Variants in MMD2 observed in about 807,000 individuals in gnomAD.
MMD2 encodes the protein monocyte to macrophage differentiation associated 2.
A neutral mutation model predicts 33.5 loss-of-function variants in MMD2; 30 were observed. That is an observed-to-expected ratio of 0.90 (90% CI 0.67 to 1.22). The LOEUF is 1.22. MMD2 is among the 50% of genes most tolerant of loss of function. The probability of loss-of-function intolerance (pLI) is 0.00; values close to 1 mark genes in which losing one functional copy is unlikely to be tolerated. For synonymous variants in MMD2, 129 were observed against 123.0 expected, an observed-to-expected ratio of 1.05 and a Z score of -0.32; for missense variants, 364 against 325.4, an observed-to-expected ratio of 1.12 and a Z score of -0.91.
intron 1 of MMD2, among the ~76,000 whole-genome samples, chr7:4,950,717 T>TC (rs1408613847): frequency 6.6e-6 from 1 of 151,376 alleles, no homozygotes; most frequent in Admixed American, 6.6e-5. Flanking sequence ...TCCTTCTTTT[T>TC]TTTTTTTTTT....
chr7:4,925,555 A>C, intron 1 of MMD2, 23 bp from the exon 2 acceptor site: 1 of 1,547,734 alleles, frequency 6.5e-7, no homozygotes, highest in Non-Finnish European at 8.7e-7. Flanking sequence ...GGAGAATTCC[A>C]GGAAGCTCCG....
At chr7:4,938,440 G>A (rs992013114) in intron 1 of MMD2, among the ~76,000 whole-genome samples, 2 of 152,072 alleles carry the variant, frequency 1.3e-5, no homozygotes, top group Non-Finnish European at 2.9e-5. Context: ...GTGGTGAGGG[G>A]CCTGTATGTG....
At chr7:4,908,845 C>T (rs562801957) in intron 6 of MMD2, among the ~76,000 whole-genome samples, 1 of 148,658 alleles carries the variant, frequency 6.7e-6, no homozygotes, top group Admixed American at 6.8e-5. Flanking sequence ...TGCAGTAAGC[C>T]GAGATCGTGC....
At chr7:4,950,079 TTGTGTG>T (rs60203634) in intron 1 of MMD2, among the ~76,000 whole-genome samples, 127 of 149,402 alleles carry the variant, frequency 8.5e-4, no homozygotes, top group African/African-American at 1.8e-3. Flanking sequence ...TCACCTTCTT[TTGTGTG>T]TGTGTGTGTG....
At chr7:4,920,038 C>A in intron 3 of MMD2, 133 bp downstream of exon 3, 1 of 1,096,226 alleles carries the variant, frequency 9.1e-7, no homozygotes, top group Non-Finnish European at 1.3e-6. Flanking sequence ...CAAAGTCGCC[C>A]AGCCCAGCCC....
rs192287812 is a variant in MMD2 at position 4,917,498 on chromosome 7, C to T, written c.291-1419G>A. Reference sequence around the variant, plus strand: ...CTAACATGGTGAAACCCTGTTTCTACAAAAAATACAAAACATTCCCCGTCT... The same window carrying T: ...CTAACATGGTGAAACCCTGTTTCTATAAAAAATACAAAACATTCCCCGTCT... On this transcript the variant is annotated intron_variant, in intron 3 of 6. Transcript: ENST00000401401. 2.1e-3 allele frequency among the ~76,000 whole-genome samples: 317 copies of T among 151,892 alleles called. 7 individuals carry two copies. Among genetic ancestry groups the T allele is most frequent in the Middle Eastern group, 0.01 (3 of 294 alleles).
chr7:4,925,563 C>A, intron 1 of MMD2, 31 bp from the exon 2 acceptor site: 1 of 1,531,174 alleles, frequency 6.5e-7, no homozygotes, highest in Non-Finnish European at 8.8e-7. Context: ...CCAGGAAGCT[C>A]CGCTGGGCAA....
At position 4,950,775 on chromosome 7, in the gene MMD2, G is replaced by A. The variant is rs886653947; in HGVS notation, c.47+8196C>T. ...GCCCAGCAGGCTAGAGTGCAGTGGC[G>A]TGATCTCAGCTCACTGCACCCTCTG... On this transcript the variant is annotated intron_variant, in intron 1 of 6. Transcript: ENST00000401401. Among the ~76,000 whole-genome samples the A allele has an allele frequency of 8.1e-5, 12 of 149,014 alleles. No homozygotes were observed. In the East Asian group the frequency reaches 2.0e-3, roughly 25 times the overall value.
intron 4 of MMD2, among the ~76,000 whole-genome samples, chr7:4,913,515 C>T (rs1365553829): frequency 6.6e-6 from 1 of 151,870 alleles, no homozygotes; most frequent in Admixed American, 6.6e-5. Flanking sequence ...GTCAGGAGTT[C>T]AAGACCAGCC....
chr7:4,925,543 A>G lies in MMD2; in HGVS notation c.48-11T>C, dbSNP rs1350060240. On this transcript the variant is annotated splice_polypyrimidine_tract_variant and intron_variant, in intron 1 of 6. Coordinates refer to ENST00000401401, the MANE Select transcript of MMD2 (RefSeq NM_198403.4). The stretch of plus-strand genomic sequence containing the variant: ...CGGTGGTTCATGAACCTGGAAGGAG[A>G]GGGAGAATTCCAGGAAGCTCCGCTG... 2.6e-6 allele frequency: 4 copies of G among 1,556,300 alleles called. No homozygotes were observed. The Admixed American group carries it at 5.7e-5, about 22-fold the overall frequency.
intron 1 of MMD2, among the ~76,000 whole-genome samples, chr7:4,949,240 T>C (rs1424520096): frequency 6.6e-6 from 1 of 152,002 alleles, no homozygotes; most frequent in Non-Finnish European, 1.5e-5. Flanking sequence ...TTATTAACTA[T>C]TGTCACCCTG....
At chr7:4,957,610 T>C (rs1562499709) in intron 1 of MMD2, among the ~76,000 whole-genome samples, 1 of 151,340 alleles carries the variant, frequency 6.6e-6, no homozygotes. Flanking sequence ...GATCATGCCA[T>C]TGCACTCCAG....
downstream of MMD2, among the ~76,000 whole-genome samples, chr7:4,903,003 C>T (rs192018748): frequency 3.6e-3 from 550 of 152,254 alleles, 3 homozygotes; most frequent in Non-Finnish European, 6.6e-3. Context: ...TTTGTGCGGC[C>T]GAGGCGGGCA....
chr7:4,958,387 A>G (rs763073729), intron 1 of MMD2, among the ~76,000 whole-genome samples: 42 of 152,142 alleles, frequency 2.8e-4, no homozygotes, highest in Non-Finnish European at 5.3e-4. Flanking sequence ...CCATTTTACA[A>G]AAGAGACGGA....
In MMD2 at chr7:4,958,968, C is replaced by T; in HGVS notation, c.47+3G>A. On this transcript the variant is annotated splice_donor_region_variant and intron_variant, in intron 1 of 6. Coordinates refer to ENST00000401401, the MANE Select transcript of MMD2 (RefSeq NM_198403.4). ...CCCGCGGACCTCCGCGGCCGCCGCT[C>T]ACCTCGCGTATTTCGTCTTCTGGAA... 1 of 1,290,284 alleles carries T rather than the reference C, an allele frequency of 7.8e-7. No homozygotes were observed. Among genetic ancestry groups the T allele is most frequent in the South Asian group, 2.7e-5 (1 of 37,246 alleles). The allele number at this position is 1,290,284 out of a possible 1,614,324, so 79.9% of individuals were successfully genotyped here. A position where few individuals can be genotyped will look rare whatever the true frequency, so the allele number is the denominator to read the frequency against.
At chr7:4,903,756 A>T (rs1052085547), downstream of MMD2, among the ~76,000 whole-genome samples, 9 of 152,146 alleles carry the variant, frequency 5.9e-5, no homozygotes, top group African/African-American at 2.2e-4. Flanking sequence ...GGCAGTGCCC[A>T]CTGAGCGCAG....
intron 1 of MMD2, among the ~76,000 whole-genome samples, chr7:4,952,892 C>T (rs1177932297): frequency 4.0e-5 from 6 of 151,856 alleles, no homozygotes; most frequent in East Asian, 1.9e-4. Context: ...GGGTTCACCA[C>T]GCTGGCCAGG....
In MMD2 at chr7:4,925,552, T is replaced by C. The variant is rs751816722; in HGVS notation, c.48-20A>G. On this transcript the variant is annotated intron_variant, in intron 1 of 6. Transcript: ENST00000401401. Reference sequence around the variant, plus strand: ...ATGAACCTGGAAGGAGAGGGAGAATTCCAGGAAGCTCCGCTGGGCAAGAGG... The same window carrying C: ...ATGAACCTGGAAGGAGAGGGAGAATCCCAGGAAGCTCCGCTGGGCAAGAGG... 2 of 1,545,354 alleles carry C rather than the reference T, an allele frequency of 1.3e-6. No homozygotes were observed. Among genetic ancestry groups the C allele is most frequent in the South Asian group, 2.4e-5 (2 of 82,692 alleles).
intron 3 of MMD2, among the ~76,000 whole-genome samples, chr7:4,917,929 G>A (rs1785182115): frequency 6.6e-6 from 1 of 152,092 alleles, no homozygotes; most frequent in South Asian, 2.1e-4. Context: ...AGAAATGATG[G>A]TGTGTGGTTC....
Sources: gnomAD v4.1 joint callset for allele counts (sites outside exome capture counted in the v4.1 genomes callset) on GRCh38, gnomAD v4.1.1 for gene constraint, MANE v1.5 for transcripts, NCBI Gene and HGNC (gene_info 2026-07-23, HGNC 2026-07-21) for gene names.